HHAT: variants seen among roughly 807,000 people sequenced by gnomAD.
The protein encoded by HHAT is protein-cysteine N-palmitoyltransferase HHAT.
HHAT carries 47 observed loss-of-function variants against 70.8 expected under a neutral mutation model. The observed-to-expected ratio is 0.66, with a 90% confidence interval of 0.53 to 0.85. HHAT has a LOEUF of 0.85. Among genes scored for constraint, HHAT ranks in the 40% least tolerant of loss-of-function variants. HHAT has a pLI of 0.00. For missense variants in HHAT, 609 were observed against 604.8 expected (o/e 1.01, Z -0.07); for synonymous variants, 228 against 247.6 (o/e 0.92, Z 0.74).
chr1:210,407,780 C>T (rs962161355), intron 6 of HHAT, among the ~76,000 whole-genome samples: 2 of 152,112 alleles, frequency 1.3e-5, no homozygotes, highest in Non-Finnish European at 2.9e-5. Flanking sequence ...AAGGGAAGGA[C>T]ATGGTGTTTA....
chr1:210,644,253 G>A (rs915369041), intron 11 of HHAT, among the ~76,000 whole-genome samples: 6 of 152,180 alleles, frequency 3.9e-5, no homozygotes, highest in African/African-American at 1.4e-4. Flanking sequence ...TATTCTCAAA[G>A]TATAATCCAA....
In HHAT at chr1:210,668,128, T is replaced by C. The variant is rs75917493; in HGVS notation, c.1391-6160T>C. Among the ~76,000 whole-genome samples the C allele has an allele frequency of 1.3e-4, 20 of 152,358 alleles. No homozygotes were observed. In the East Asian group the frequency reaches 3.9e-3, roughly 29 times the overall value. On this transcript the variant is annotated intron_variant, in intron 11 of 11. Coordinates refer to ENST00000261458, the MANE Select transcript of HHAT (RefSeq NM_018194.6). The stretch of plus-strand genomic sequence containing the variant: ...ATGTCTTTAGGGTTCATCCATGTTG[T>C]AGCATGTGTCAGAATTCCTTCCTTT...
At chr1:210,342,814 TA>T (rs1358083752) in intron 1 of HHAT, among the ~76,000 whole-genome samples, 2 of 152,208 alleles carry the variant, frequency 1.3e-5, no homozygotes, top group African/African-American at 4.8e-5. Context: ...CTGGACATTT[TA>T]AAAAGGTTCC....
intron 2 of HHAT, among the ~76,000 whole-genome samples, chr1:210,357,834 A>C (rs572454760): frequency 1.3e-5 from 2 of 152,254 alleles, no homozygotes; most frequent in Non-Finnish European, 2.9e-5. Context: ...AATAAAATAA[A>C]ATAAAATTTA....
At chr1:210,515,119 T>C (rs559302165) in intron 9 of HHAT, among the ~76,000 whole-genome samples, 48 of 152,326 alleles carry the variant, frequency 3.2e-4, no homozygotes, top group Non-Finnish European at 5.3e-4. Context: ...GGCTTCTCTC[T>C]ACCTTGCTGT....
intron 11 of HHAT, among the ~76,000 whole-genome samples, chr1:210,627,541 G>A (rs954535816): frequency 1.3e-5 from 2 of 151,988 alleles, no homozygotes; most frequent in Admixed American, 6.6e-5. Flanking sequence ...CCTTTCTGTT[G>A]TGCCCCTGCC....
intron 11 of HHAT, among the ~76,000 whole-genome samples, chr1:210,656,773 G>A (rs1240236652): frequency 6.6e-6 from 1 of 152,142 alleles, no homozygotes; most frequent in African/African-American, 2.4e-5. Flanking sequence ...TTAGCAGAGA[G>A]GGCCCCCAGA....
At chr1:210,599,961 C>G (rs757808939) in intron 10 of HHAT, among the ~76,000 whole-genome samples, 2 of 152,130 alleles carry the variant, frequency 1.3e-5, no homozygotes, top group Non-Finnish European at 2.9e-5. Context: ...ATCCCTCTAG[C>G]CTCAGCTCCC....
At chr1:210,412,109 T>C (rs934117431) in intron 6 of HHAT, among the ~76,000 whole-genome samples, 2 of 152,120 alleles carry the variant, frequency 1.3e-5, no homozygotes, top group African/African-American at 2.4e-5. Context: ...CTCTTTGGCG[T>C]CTCTTTTATA....
chr1:210,440,281 G>C (rs1221315300), intron 7 of HHAT, among the ~76,000 whole-genome samples: 1 of 151,764 alleles, frequency 6.6e-6, no homozygotes, highest in Non-Finnish European at 1.5e-5. Flanking sequence ...TAGGAGGAAA[G>C]GGGTGGAAGG....
intron 11 of HHAT, among the ~76,000 whole-genome samples, chr1:210,670,842 T>A (rs1679931840): frequency 6.6e-6 from 1 of 152,200 alleles, no homozygotes; most frequent in Admixed American, 6.5e-5. Context: ...TTTATTTGCA[T>A]GCTTTTAAAA....
intron 1 of HHAT, chr1:210,329,525 T>C (rs2084800986): frequency 1.0e-6 from 1 of 985,084 alleles, no homozygotes; most frequent in Non-Finnish European, 1.2e-6. Flanking sequence ...GACTCAGTTT[T>C]CTTCCTCTGT....
At chr1:210,546,657 A>G (rs1403367986) in intron 9 of HHAT, among the ~76,000 whole-genome samples, 1 of 152,196 alleles carries the variant, frequency 6.6e-6, no homozygotes, top group Non-Finnish European at 1.5e-5. Flanking sequence ...TTTCATTTTT[A>G]AAATGATAAC....
chr1:210,393,481 T>C (rs950386718), intron 4 of HHAT, among the ~76,000 whole-genome samples: 10 of 152,232 alleles, frequency 6.6e-5, no homozygotes, highest in African/African-American at 2.4e-4. Flanking sequence ...CTCACTCTTC[T>C]GTACCTGATG....
intron 1 of HHAT, among the ~76,000 whole-genome samples, chr1:210,348,063 T>C (rs945889707): frequency 1.3e-5 from 2 of 152,168 alleles, no homozygotes; most frequent in African/African-American, 4.8e-5. Flanking sequence ...TCTGTGATTA[T>C]GTCATTAACT....
chr1:210,377,340 G>A (rs753017920), intron 3 of HHAT, among the ~76,000 whole-genome samples: 51 of 151,934 alleles, frequency 3.4e-4, no homozygotes, highest in Non-Finnish European at 4.7e-4. Context: ...TCCATATGCT[G>A]TGTAGAAAAT....
At chr1:210,332,120 C>T (rs2085044228) in intron 1 of HHAT, among the ~76,000 whole-genome samples, 1 of 152,178 alleles carries the variant, frequency 6.6e-6, no homozygotes, top group African/African-American at 2.4e-5. Context: ...TTTTGGCTAG[C>T]CAACACTTCT....
intron 11 of HHAT, among the ~76,000 whole-genome samples, chr1:210,624,098 C>T (rs973011784): frequency 6.6e-6 from 1 of 152,010 alleles, no homozygotes; most frequent in African/African-American, 2.4e-5. Context: ...GGGGTCTGCC[C>T]GCATGAATGG....
intron 9 of HHAT, among the ~76,000 whole-genome samples, chr1:210,557,682 T>C (rs2095585094): frequency 6.6e-6 from 1 of 152,068 alleles, no homozygotes; most frequent in Non-Finnish European, 1.5e-5. Flanking sequence ...CCTGATAAAC[T>C]ATCAGATCTC....
Sources: gnomAD v4.1 joint callset for allele counts (sites outside exome capture counted in the v4.1 genomes callset) on GRCh38, gnomAD v4.1.1 for gene constraint, MANE v1.5 for transcripts, NCBI Gene and HGNC (gene_info 2026-07-23, HGNC 2026-07-21) for gene names.